Variants in ADAM12 observed in about 807,000 individuals in gnomAD.
ADAM12 encodes disintegrin and metalloproteinase domain-containing protein 12.
A neutral mutation model predicts 106.4 loss-of-function variants in ADAM12; 70 were observed. The ratio of observed to expected loss-of-function variants is 0.66; its 90% CI spans 0.54 to 0.80. The LOEUF is 0.80. Ranked by LOEUF, ADAM12 falls within the 30% of genes least tolerant of loss-of-function variation. ADAM12 has a pLI of 0.00. For synonymous variants in ADAM12, 420 were observed against 433.5 expected (o/e 0.97, Z 0.39); for missense variants, 1,010 against 1,171.9 (o/e 0.86, Z 2.02).
intron 10 of ADAM12, 137 bp from the exon 11 acceptor site, chr10:126,094,270 C>A: frequency 1.2e-6 from 1 of 858,508 alleles, no homozygotes; most frequent in Non-Finnish European, 1.7e-6. Flanking sequence ...CAAGGTAAAA[C>A]GCTATCATTT....
intron 12 of ADAM12, among the ~76,000 whole-genome samples, chr10:126,067,551 C>G (rs1007183340): frequency 6.6e-6 from 1 of 152,224 alleles, no homozygotes; most frequent in South Asian, 2.1e-4. Context: ...CACACGTACC[C>G]ATTGCTTCCA....
intron 2 of ADAM12, among the ~76,000 whole-genome samples, chr10:126,291,426 A>G (rs1960145001): frequency 6.6e-6 from 1 of 152,222 alleles, no homozygotes; most frequent in Non-Finnish European, 1.5e-5. Context: ...TCTATTACAA[A>G]CAGAATTACA....
chr10:126,100,846 G>C lies in ADAM12; in HGVS notation c.911+226C>G, dbSNP rs561572595. Among the ~76,000 whole-genome samples, 5 of 152,348 alleles carry C rather than the reference G, an allele frequency of 3.3e-5. No homozygotes were observed. The East Asian group carries it at 9.7e-4, about 29-fold the overall frequency. On this transcript the variant is annotated intron_variant, in intron 9 of 22. Coordinates refer to ENST00000448723, the MANE Select transcript of ADAM12 (RefSeq NM_001288973.2). ...TCTAGAAGAAGGAAATGAGAGTTCT[G>C]TAGAGGGACAGGTTTTCCAGGGTGT...
At chr10:126,194,901 C>T (rs1957568912) in intron 3 of ADAM12, among the ~76,000 whole-genome samples, 1 of 152,138 alleles carries the variant, frequency 6.6e-6, no homozygotes, top group African/African-American at 2.4e-5. Context: ...ATGTGGCCCC[C>T]AAAATTCTGC....
chr10:126,174,096 C>T (rs550061287), intron 3 of ADAM12, among the ~76,000 whole-genome samples: 2 of 147,340 alleles, frequency 1.4e-5, no homozygotes, highest in South Asian at 4.3e-4. Flanking sequence ...CAACCTCCCG[C>T]CTCCCGGTTT....
At position 126,041,839 on chromosome 10, in the gene ADAM12, G is replaced by A. The variant is rs1030092797; in HGVS notation, c.2104+1201C>T. On this transcript the variant is annotated intron_variant, in intron 18 of 22. Transcript: ENST00000448723. Reference sequence around the variant, plus strand: ...TTGAGTCCTCTTCCTCCTTGCTGCAGGGCTGGGGCCTGCCAGAGTGGTAAC... The same window carrying A: ...TTGAGTCCTCTTCCTCCTTGCTGCAAGGCTGGGGCCTGCCAGAGTGGTAAC... 8 of 1,240,802 alleles carry A rather than the reference G, an allele frequency of 6.4e-6. No homozygotes were observed. The Admixed American group carries it at 1.6e-4, about 25-fold the overall frequency. The allele number at this position is 1,240,802 out of a possible 1,614,324, so 76.9% of individuals were successfully genotyped here. A position where few individuals can be genotyped will look rare whatever the true frequency, so the allele number is the denominator to read the frequency against.
intron 2 of ADAM12, among the ~76,000 whole-genome samples, chr10:126,290,361 G>A (rs1960093138): frequency 6.6e-6 from 1 of 152,044 alleles, no homozygotes; most frequent in Non-Finnish European, 1.5e-5. Context: ...ATGCCCACTG[G>A]GCTTCTGACC....
chr10:126,317,213 G>A (rs1270890820), intron 2 of ADAM12, among the ~76,000 whole-genome samples: 1 of 152,132 alleles, frequency 6.6e-6, no homozygotes, highest in African/African-American at 2.4e-5. Context: ...GACACCTCTG[G>A]GGTGGGACCT....
intron 1 of ADAM12, among the ~76,000 whole-genome samples, chr10:126,348,142 A>G (rs574196709): frequency 5.9e-5 from 9 of 152,304 alleles, no homozygotes; most frequent in Admixed American, 5.9e-4. Flanking sequence ...GGACAGAGAG[A>G]AGAGAGAAAA....
intron 6 of ADAM12, among the ~76,000 whole-genome samples, chr10:126,111,684 C>T (rs1318356389): frequency 2.0e-5 from 3 of 152,284 alleles, no homozygotes; most frequent in South Asian, 2.1e-4. Context: ...TAAAAACAAA[C>T]ATGTGAACAC....
At chr10:126,316,430 C>G (rs908036512) in intron 2 of ADAM12, among the ~76,000 whole-genome samples, 1 of 152,162 alleles carries the variant, frequency 6.6e-6, no homozygotes, top group East Asian at 1.9e-4. Context: ...CTAGGCAGGG[C>G]CTCCGCCCTC....
At chr10:126,088,724 C>CAAAAACA (rs55755010) in intron 11 of ADAM12, among the ~76,000 whole-genome samples, 4 of 148,750 alleles carry the variant, frequency 2.7e-5, no homozygotes, top group Non-Finnish European at 5.9e-5. Flanking sequence ...AAAACAAAAA[C>CAAAAACA]AAAAAGAGAG....
chr10:126,216,672 G>A (rs549642640), intron 3 of ADAM12, among the ~76,000 whole-genome samples: 1 of 152,316 alleles, frequency 6.6e-6, no homozygotes, highest in Admixed American at 6.5e-5. Flanking sequence ...TATTAATGAT[G>A]CCTTTGGTTT....
At chr10:126,051,588 T>TCCATCCATCCATCCAG (rs1281562847) in intron 14 of ADAM12, among the ~76,000 whole-genome samples, 9 of 124,316 alleles carry the variant, frequency 7.2e-5, no homozygotes, top group Non-Finnish European at 1.2e-4. Flanking sequence ...CATCCATCCA[T>TCCATCCATCCATCCAG]CCAGCCAGCC....
At chr10:126,121,517 A>G (rs1314314126) in intron 5 of ADAM12, among the ~76,000 whole-genome samples, 1 of 143,036 alleles carries the variant, frequency 7.0e-6, no homozygotes, top group African/African-American at 2.5e-5. Flanking sequence ...AGAAAATTAT[A>G]TATTATATAA....
intron 2 of ADAM12, among the ~76,000 whole-genome samples, chr10:126,311,092 A>ACACAC: frequency 2.2e-5 from 1 of 44,894 alleles, no homozygotes; most frequent in Non-Finnish European, 5.0e-5. Flanking sequence ...CATACACACA[A>ACACAC]ATACACACAC....
chr10:126,172,037 A>G (rs1335130368), intron 3 of ADAM12, among the ~76,000 whole-genome samples: 1 of 152,204 alleles, frequency 6.6e-6, no homozygotes, highest in Non-Finnish European at 1.5e-5. Context: ...TAAAAGATGT[A>G]ATTTATAATG....
intron 1 of ADAM12, among the ~76,000 whole-genome samples, chr10:126,366,499 T>C (rs761891945): frequency 6.7e-6 from 1 of 150,026 alleles, no homozygotes; most frequent in African/African-American, 2.5e-5. Context: ...CAAAAGAAAA[T>C]GGGAAAAGAA....
chr10:126,092,498 C>T (rs1955484514), intron 11 of ADAM12, among the ~76,000 whole-genome samples: 3 of 152,228 alleles, frequency 2.0e-5, no homozygotes. Flanking sequence ...CTCTCAGACA[C>T]CTTTAGTGAC....
Sources: gnomAD v4.1 joint callset for allele counts (sites outside exome capture counted in the v4.1 genomes callset) on GRCh38, gnomAD v4.1.1 for gene constraint, MANE v1.5 for transcripts, NCBI Gene and HGNC (gene_info 2026-07-23, HGNC 2026-07-21) for gene names.